Variants in CACNA1C observed in about 807,000 individuals in gnomAD.
CACNA1C encodes the protein voltage-dependent L-type calcium channel subunit alpha-1C.
CACNA1C carries 30 observed loss-of-function variants against 229.0 expected under a neutral mutation model. The observed-to-expected ratio is 0.13, with a 90% CI of 0.10 to 0.18. The LOEUF (loss-of-function observed/expected upper bound fraction) is 0.18, where lower values mean the gene tolerates loss of function less well. CACNA1C is among the 10% of genes least tolerant of loss of function. The probability of loss-of-function intolerance (pLI) is 1.00; values close to 1 mark genes in which losing one functional copy is unlikely to be tolerated. For missense variants in CACNA1C, 1,658 were observed against 2,845.0 expected (o/e 0.58, Z 9.49); for synonymous variants, 1,114 against 1,132.5 (o/e 0.98, Z 0.33).
intron 1 of CACNA1C, among the ~76,000 whole-genome samples, chr12:2,038,682 G>A (rs61171506): frequency 0.052 from 7,850 of 152,232 alleles, 233 homozygotes; most frequent in East Asian, 0.068. Flanking sequence ...GCTTAATAGG[G>A]TGCTAGTTTT....
chr12:2,494,348 T>C (rs2099742478), intron 7 of CACNA1C, among the ~76,000 whole-genome samples: 1 of 152,230 alleles, frequency 6.6e-6, no homozygotes, highest in Non-Finnish European at 1.5e-5. Context: ...CAAAGTCCAT[T>C]ATTAGGAAAA....
intron 4 of CACNA1C, among the ~76,000 whole-genome samples, chr12:2,453,255 C>T (rs2099395163): frequency 6.6e-6 from 1 of 152,140 alleles, no homozygotes; most frequent in South Asian, 2.1e-4. Context: ...CCTGCCTGGC[C>T]CTGAACTTCT....
At chr12:2,293,048 C>T (rs2093670003) in intron 3 of CACNA1C, among the ~76,000 whole-genome samples, 1 of 152,004 alleles carries the variant, frequency 6.6e-6, no homozygotes, top group Non-Finnish European at 1.5e-5. Context: ...CAGGCACAAA[C>T]ACTTGTGTGT....
At chr12:2,640,927 C>T (rs1329298305) in intron 30 of CACNA1C, among the ~76,000 whole-genome samples, 1 of 152,252 alleles carries the variant, frequency 6.6e-6, no homozygotes, top group Non-Finnish European at 1.5e-5. Context: ...GCCTGCACGA[C>T]TCCAGCCCTC....
intron 3 of CACNA1C, among the ~76,000 whole-genome samples, chr12:2,263,484 A>G (rs1481142517): frequency 2.6e-5 from 4 of 151,750 alleles, no homozygotes; most frequent in African/African-American, 9.7e-5. Flanking sequence ...CTTTTTAGCA[A>G]AGGAGTGACT....
At chr12:2,523,191 T>C (rs2099813252) in intron 9 of CACNA1C, among the ~76,000 whole-genome samples, 1 of 151,930 alleles carries the variant, frequency 6.6e-6, no homozygotes, top group Admixed American at 6.6e-5. Flanking sequence ...TTGATTTTTT[T>C]TTAAGTTGAA....
chr12:2,610,085 AC>A (rs1347232467), intron 27 of CACNA1C, among the ~76,000 whole-genome samples: 31 of 152,156 alleles, frequency 2.0e-4, no homozygotes, highest in Admixed American at 1.8e-3. Flanking sequence ...AGATCACACC[AC>A]TGCACTCCAG....
intron 11 of CACNA1C, among the ~76,000 whole-genome samples, chr12:2,560,328 C>A (rs2046784958): frequency 6.6e-6 from 1 of 152,214 alleles, no homozygotes. Context: ...ATTTGAGTCT[C>A]AAACTGGCCT....
At chr12:2,083,062 T>C (rs1166205701) in intron 1 of CACNA1C, among the ~76,000 whole-genome samples, 5 of 152,206 alleles carry the variant, frequency 3.3e-5, no homozygotes, top group African/African-American at 1.2e-4. Flanking sequence ...TAGTCCCACA[T>C]GGCCTGGCTT....
intron 4 of CACNA1C, 26 bp from the exon 5 acceptor site, chr12:2,457,541 G>A: frequency 1.2e-6 from 2 of 1,603,240 alleles, no homozygotes; most frequent in Non-Finnish European, 1.7e-6. Flanking sequence ...AGTCCTGACA[G>A]TCCTTCTCTC....
At chr12:2,155,130 TCACA>T (rs145055831) in intron 3 of CACNA1C, among the ~76,000 whole-genome samples, 1 of 151,952 alleles carries the variant, frequency 6.6e-6, no homozygotes, top group Admixed American at 6.6e-5. Flanking sequence ...CACAGAGGCG[TCACA>T]CACACACAGA....
chr12:2,169,539 T>C (rs1371815974), intron 3 of CACNA1C, among the ~76,000 whole-genome samples: 1 of 152,174 alleles, frequency 6.6e-6, no homozygotes, highest in Non-Finnish European at 1.5e-5. Context: ...CTTGTAGACA[T>C]GGTGTACCTT....
chr12:2,443,817 C>T (rs1164675973), intron 3 of CACNA1C, among the ~76,000 whole-genome samples: 1 of 152,222 alleles, frequency 6.6e-6, no homozygotes, highest in East Asian at 1.9e-4. Flanking sequence ...TCTATGACAG[C>T]ACAACGTATG....
chr12:2,315,460 C>T (rs950249413), intron 3 of CACNA1C, among the ~76,000 whole-genome samples: 4 of 152,324 alleles, frequency 2.6e-5, no homozygotes, highest in Middle Eastern at 3.4e-3. Context: ...CTTCTAGTCG[C>T]CACCTTTCTT....
intron 1 of CACNA1C, among the ~76,000 whole-genome samples, chr12:2,024,867 A>C (rs2047043289): frequency 6.6e-6 from 1 of 152,186 alleles, no homozygotes; most frequent in Non-Finnish European, 1.5e-5. Flanking sequence ...TCCCTCCTCC[A>C]AGGAGCTGGT....
intron 3 of CACNA1C, among the ~76,000 whole-genome samples, chr12:2,223,908 GTTTA>G (rs978767204): frequency 2.0e-5 from 3 of 152,146 alleles, no homozygotes; most frequent in East Asian, 1.9e-4. Context: ...ATATATTCTA[GTTTA>G]TTTATAGATA....
intron 3 of CACNA1C, among the ~76,000 whole-genome samples, chr12:2,328,902 T>A (rs1472537817): frequency 3.3e-5 from 5 of 152,208 alleles, no homozygotes; most frequent in African/African-American, 1.2e-4. Context: ...TAAGGAGCAA[T>A]GCGGTGTCTC....
chr12:2,088,880 A>G (rs1201668896), intron 1 of CACNA1C, among the ~76,000 whole-genome samples: 1 of 152,140 alleles, frequency 6.6e-6, no homozygotes, highest in Non-Finnish European at 1.5e-5. Flanking sequence ...TGGAGGGAAT[A>G]TCAGAGGACT....
Position 2,186,729 on chromosome 12 carries a change from T to C in CACNA1C, c.477+66299T>C, listed in dbSNP as rs536629391. Among the ~76,000 whole-genome samples, 8 of 152,280 alleles carry C rather than the reference T, an allele frequency of 5.3e-5. No homozygotes were observed. In the South Asian group the frequency reaches 1.7e-3, roughly 32 times the overall value. The stretch of plus-strand genomic sequence containing the variant: ...ACTATATGCCAGGTACTATGCTAAG[T>C]CAGTTATCAACACGACCTCCTTTAA... On this transcript the variant is annotated intron_variant, in intron 3 of 46. Transcript: ENST00000399655.
Sources: gnomAD v4.1 joint callset for allele counts (sites outside exome capture counted in the v4.1 genomes callset) on GRCh38, gnomAD v4.1.1 for gene constraint, MANE v1.5 for transcripts, NCBI Gene and HGNC (gene_info 2026-07-23, HGNC 2026-07-21) for gene names.